Variants in CDKAL1 observed in about 807,000 individuals in gnomAD.
CDKAL1 encodes the protein CDKAL1 threonylcarbamoyladenosine tRNA methylthiotransferase.
A neutral mutation model predicts 68.2 loss-of-function variants in CDKAL1; 32 were observed. The observed-to-expected ratio is 0.47, with a 90% CI of 0.35 to 0.63. CDKAL1 has a LOEUF of 0.63. CDKAL1 is among the 30% of genes least tolerant of loss of function. The pLI is 0.00. For synonymous variants in CDKAL1, 234 were observed against 244.3 expected, an observed-to-expected ratio of 0.96 and a Z score of 0.39; for missense variants, 606 against 696.7, an observed-to-expected ratio of 0.87 and a Z score of 1.47.
chr6:20,567,983 C>T (rs1389184513), intron 4 of CDKAL1, among the ~76,000 whole-genome samples: 3 of 152,010 alleles, frequency 2.0e-5, no homozygotes, highest in Non-Finnish European at 4.4e-5. Flanking sequence ...TCACGCCATT[C>T]TCTCACCTCA....
At chr6:20,879,994 T>G (rs1760729307) in intron 9 of CDKAL1, among the ~76,000 whole-genome samples, 1 of 152,222 alleles carries the variant, frequency 6.6e-6, no homozygotes, top group South Asian at 2.1e-4. Context: ...GATAGTAGTT[T>G]TAATTCTCTT....
intron 4 of CDKAL1, among the ~76,000 whole-genome samples, chr6:20,643,694 T>C (rs149251788): frequency 2.6e-5 from 4 of 152,382 alleles, no homozygotes; most frequent in Admixed American, 1.3e-4. Flanking sequence ...GTGGGTTGGC[T>C]CAGAGCTAGC....
chr6:20,997,238 G>A (rs973708150), intron 10 of CDKAL1, among the ~76,000 whole-genome samples: 2 of 152,196 alleles, frequency 1.3e-5, no homozygotes, highest in Non-Finnish European at 2.9e-5. Flanking sequence ...GGAACAAGTT[G>A]CTGAGAAGTC....
chr6:20,972,417 ATTC>A (rs552356960), intron 10 of CDKAL1, among the ~76,000 whole-genome samples: 32 of 152,272 alleles, frequency 2.1e-4, no homozygotes, highest in African/African-American at 7.2e-4. Flanking sequence ...GGCACCAGCT[ATTC>A]TTCTTTTAGA....
chr6:21,141,162 G>A (rs1775889547), intron 13 of CDKAL1, among the ~76,000 whole-genome samples: 1 of 152,090 alleles, frequency 6.6e-6, no homozygotes, highest in Non-Finnish European at 1.5e-5. Flanking sequence ...CTCCCCCCTT[G>A]CACGCTATAT....
chr6:20,762,129 G>A (rs976402112), intron 7 of CDKAL1, among the ~76,000 whole-genome samples: 5 of 152,264 alleles, frequency 3.3e-5, no homozygotes, highest in South Asian at 2.1e-4. Context: ...AGTGTGCTTA[G>A]GAGTTTGCCA....
At position 20,844,208 on chromosome 6, in the gene CDKAL1, G is replaced by T. The variant is rs538844717; in HGVS notation, c.639-1867G>T. ...TTAGATTTCCAAAGAATAAAAGAGAGAAACACATATTTTAATTAAATAGCT... is the reference window on the plus strand; with the variant it reads ...TTAGATTTCCAAAGAATAAAAGAGATAAACACATATTTTAATTAAATAGCT... On this transcript the variant is annotated intron_variant, in intron 8 of 15. Transcript: ENST00000274695. Among the ~76,000 whole-genome samples, 3 of 152,270 alleles carry T rather than the reference G, an allele frequency of 2.0e-5. No homozygotes were observed. In the South Asian group the frequency reaches 6.2e-4, roughly 32 times the overall value.
Position 20,677,173 on chromosome 6 carries a change from C to T in CDKAL1, c.371+27796C>T, listed in dbSNP as rs572340631. ...GCAACCTCTGCCTCCCAGGTTCAAG[C>T]GATTCTCCTGCCTCAGCCTCCCTAG... On this transcript the variant is annotated intron_variant, in intron 5 of 15. Coordinates refer to ENST00000274695, the MANE Select transcript of CDKAL1 (RefSeq NM_017774.3). Among the ~76,000 whole-genome samples the T allele has an allele frequency of 3.3e-5, 5 of 151,972 alleles. No homozygotes were observed. The South Asian group carries it at 6.2e-4, about 19-fold the overall frequency.
At chr6:20,688,357 A>G (rs933343255) in intron 5 of CDKAL1, among the ~76,000 whole-genome samples, 4 of 151,502 alleles carry the variant, frequency 2.6e-5, no homozygotes, top group East Asian at 1.9e-4. Context: ...CTAGTATTCT[A>G]TCACATGTAT....
intron 13 of CDKAL1, among the ~76,000 whole-genome samples, chr6:21,109,752 G>A (rs538848728): frequency 5.9e-5 from 9 of 152,288 alleles, no homozygotes; most frequent in Non-Finnish European, 8.8e-5. Context: ...AGGTAGTGTT[G>A]CATTTTTTTT....
intron 15 of CDKAL1, among the ~76,000 whole-genome samples, chr6:21,215,412 G>A (rs535714323): frequency 1.3e-5 from 2 of 152,256 alleles, no homozygotes; most frequent in Admixed American, 1.3e-4. Context: ...GATACAAGGA[G>A]GTATAAGGAA....
Position 21,092,702 on chromosome 6 carries a change from A to G in CDKAL1, c.1237-15699A>G, listed in dbSNP as rs545523411. On this transcript the variant is annotated intron_variant, in intron 12 of 15. Transcript: ENST00000274695. Reference sequence around the variant, plus strand: ...GTGAGAGAGAAAATAAAAAATAAGAAAGAAACAGGACTGGGCAGGAAGACG... The same window carrying G: ...GTGAGAGAGAAAATAAAAAATAAGAGAGAAACAGGACTGGGCAGGAAGACG... Among the ~76,000 whole-genome samples the G allele has an allele frequency of 3.3e-5, 5 of 151,966 alleles. No homozygotes were observed. In the East Asian group the frequency reaches 9.7e-4, roughly 29 times the overall value.
At chr6:20,535,552 T>C (rs548627602) in intron 2 of CDKAL1, among the ~76,000 whole-genome samples, 158 bp downstream of exon 2, 36 of 152,318 alleles carry the variant, frequency 2.4e-4, no homozygotes, top group African/African-American at 7.5e-4. Flanking sequence ...ATATTTTCAT[T>C]TATTTTACTT....
intron 11 of CDKAL1, among the ~76,000 whole-genome samples, chr6:21,044,103 C>T (rs1770087578): frequency 6.6e-6 from 1 of 152,080 alleles, no homozygotes; most frequent in Admixed American, 6.6e-5. Flanking sequence ...CATGTTGTAC[C>T]CAAAAACCTC....
intron 13 of CDKAL1, among the ~76,000 whole-genome samples, chr6:21,186,109 T>C (rs978462716): frequency 3.3e-5 from 5 of 152,096 alleles, no homozygotes; most frequent in African/African-American, 1.2e-4. Context: ...ATAATTGTTA[T>C]TCAGTCTTCT....
chr6:20,603,042 A>T (rs1207872050), intron 4 of CDKAL1, among the ~76,000 whole-genome samples: 2 of 151,902 alleles, frequency 1.3e-5, no homozygotes, highest in Non-Finnish European at 2.9e-5. Flanking sequence ...GTTCGGAAAC[A>T]AGGAGGATAC....
intron 5 of CDKAL1, among the ~76,000 whole-genome samples, chr6:20,736,763 C>G (rs1053566298): frequency 1.3e-4 from 19 of 150,148 alleles, no homozygotes; most frequent in African/African-American, 4.5e-4. Flanking sequence ...CAGAGCGAGA[C>G]TCTGCCTCAA....
chr6:20,845,477 T>C (rs1332818372), intron 8 of CDKAL1, among the ~76,000 whole-genome samples: 1 of 152,022 alleles, frequency 6.6e-6, no homozygotes, highest in Non-Finnish European at 1.5e-5. Flanking sequence ...GCCATTCTAC[T>C]TTTTTTACTT....
At chr6:20,695,641 G>C (rs1255186297) in intron 5 of CDKAL1, among the ~76,000 whole-genome samples, 1 of 151,848 alleles carries the variant, frequency 6.6e-6, no homozygotes. Flanking sequence ...TCATTCTTTT[G>C]TTTTATTCCT....
Sources: allele counts gnomAD v4.1 joint callset (sites outside exome capture counted in the v4.1 genomes callset), GRCh38; gene constraint gnomAD v4.1.1; transcripts MANE v1.5; gene names NCBI Gene and HGNC (gene_info 2026-07-23, HGNC 2026-07-21).